Variants in ZNF785 observed in about 807,000 individuals in gnomAD.
ZNF785 encodes zinc finger protein 785.
In ZNF785, 15 loss-of-function variants were observed where a neutral mutation model predicts 11.3. The observed-to-expected ratio is 1.32, with a 90% CI of 0.89 to 2.04. ZNF785 has a LOEUF of 2.04. Among genes scored for constraint, ZNF785 ranks in the 30% most tolerant of loss-of-function variants. The probability of loss-of-function intolerance (pLI) is 0.00; values close to 1 mark genes in which losing one functional copy is unlikely to be tolerated. For synonymous variants in ZNF785, 221 were observed against 231.0 expected (o/e 0.96, Z 0.39); for missense variants, 572 against 560.9 (o/e 1.02, Z -0.20).
chr16:30,579,831 A>T (rs2051784049), downstream of ZNF785: 1 of 455,872 alleles, frequency 2.2e-6, no homozygotes, highest in African/African-American at 2.0e-5. Context: ...TCCTCTTCAA[A>T]AGTAGGGCTA....
Position 30,585,014 on chromosome 16 carries a change from G to T in ZNF785, c.334+108C>A. 7.0e-7 allele frequency: 1 copy of T among 1,430,142 alleles called. No homozygotes were observed. Among genetic ancestry groups the T allele is most frequent in the Non-Finnish European group, 9.4e-7 (1 of 1,065,554 alleles). 88.6% of individuals were successfully genotyped at this position (1,430,142 alleles called of 1,614,324 possible). On this transcript the variant is annotated intron_variant, in intron 2 of 2. Transcript: ENST00000395216. This position sits in a 1 kb window ranked among gnomAD's most constrained non-coding sequence, Gnocchi z 4.0. ...GATGAGGACGTTTCTGGGGTAGGGT[G>T]CAGGGAGACAGGATGGGACTTTGGA...
Position 30,585,436 on chromosome 16 carries a change from C to T in ZNF785, c.176G>A (p.Arg59Gln). The T allele has an allele frequency of 5.6e-6, 9 of 1,598,532 alleles. No individual in the cohort carries two copies. Among genetic ancestry groups the T allele is most frequent in the Non-Finnish European group, 7.7e-6 (9 of 1,173,468 alleles). The change falls in exon 1 of 3, where the codon CGG becomes CAG. Residue 59 changes from arginine (R) to glutamine (Q), a missense_variant. By Grantham distance (43) the Arg-to-Gln change is conservative. Coordinates refer to ENST00000395216, the MANE Select transcript of ZNF785 (RefSeq NM_152458.7). This position sits in a 1 kb window ranked among gnomAD's most constrained non-coding sequence, Gnocchi z 4.0. ...AQRALYRDVM[R>Q]ETFGHLGALG... ...CGCGCCCAGGTGGCCGAAGGTCTCC[C>T]GCATCACGTCCCGGTACAGGGCCCT... is the stretch of plus-strand genomic sequence containing the variant.
Position 30,582,826 on chromosome 16 carries a change from C to G in ZNF785, c.952G>C (p.Gly318Arg). 6.2e-7 allele frequency: 1 copy of G among 1,608,530 alleles called. No individual in the cohort carries two copies. Among genetic ancestry groups the G allele is most frequent in the Non-Finnish European group, 8.5e-7 (1 of 1,176,420 alleles). ...AGGGAAGAATAGGTGAAGCGGCGGCCGCAGTCAGGACAGGGGTAGGGCTTC... is the reference window on the plus strand; with the variant it reads ...AGGGAAGAATAGGTGAAGCGGCGGCGGCAGTCAGGACAGGGGTAGGGCTTC... ...GEKPYPCPDC[G>R]RRFTYSSLLL... Residue 318 changes from glycine (G) to arginine (R), a missense_variant, in exon 3 of 3, where the codon GGC (glycine) becomes CGC (arginine). By Grantham distance (125) the Gly-to-Arg change is moderately radical (BLOSUM62 -2). Coordinates refer to ENST00000395216, the MANE Select transcript of ZNF785 (RefSeq NM_152458.7).
chr16:30,582,386 C>T lies in ZNF785; in HGVS notation c.*174G>A. 2.2e-6 allele frequency: 2 copies of T among 918,586 alleles called. No individual in the cohort carries two copies. The highest frequency in any genetic ancestry group is 3.5e-5 in the South Asian group (2 of 56,374). 56.9% of individuals were successfully genotyped at this position (918,586 alleles called of 1,614,324 possible). ...TCAGAAAATGGGGTCAACCCCCAGG[C>T]ACCTTTTCAGATTCCTGCCTCCTCC... On this transcript the variant is annotated 3_prime_UTR_variant, in exon 3 of 3. Transcript: ENST00000395216.
rs1256657422 is a variant in ZNF785 at position 30,582,978 on chromosome 16, T to C, written c.800A>G (p.Tyr267Cys). The C allele has an allele frequency of 1.2e-6, 2 of 1,613,730 alleles. No homozygotes were observed. The highest frequency in any genetic ancestry group is 1.7e-6 in the Non-Finnish European group (2 of 1,179,958). ...ACSDCKSRFT[Y>C]PYLLAIHQRK... Reference sequence around the variant, plus strand: ...CTGGTGGATGGCCAGCAGGTAGGGGTAAGTGAAGCGACTCTTGCAGTCTGA... The same window carrying C: ...CTGGTGGATGGCCAGCAGGTAGGGGCAAGTGAAGCGACTCTTGCAGTCTGA... Residue 267 changes from tyrosine to cysteine, a missense_variant, in exon 3 of 3, where the codon TAC (tyrosine) becomes TGC (cysteine). Transcript: ENST00000395216.
chr16:30,585,344 G>A lies in ZNF785; in HGVS notation c.205+63C>T, dbSNP rs1215097329. The A allele has an allele frequency of 1.3e-6, 2 of 1,576,232 alleles. No homozygotes were observed. Among genetic ancestry groups the A allele is most frequent in the South Asian group, 1.1e-5 (1 of 87,220 alleles). ...CCCGCTTCCAGCCCACTAGCCTCTG[G>A]GGACACCGATCACCGCTTCCCACCG... On this transcript the variant is annotated intron_variant, in intron 1 of 2. Coordinates refer to ENST00000395216, the MANE Select transcript of ZNF785 (RefSeq NM_152458.7). The surrounding 1 kb of genome is among the most constrained non-coding windows in gnomAD (Gnocchi z 4.0).
chr16:30,582,324 G>C lies in ZNF785; in HGVS notation c.*236C>G. 1.7e-6 allele frequency: 1 copy of C among 579,964 alleles called. No individual in the cohort carries two copies. Among genetic ancestry groups the C allele is most frequent in the East Asian group, 3.0e-5 (1 of 33,570 alleles). 35.9% of individuals were successfully genotyped at this position (579,964 alleles called of 1,614,324 possible). A position where few individuals can be genotyped will look rare whatever the true frequency, so the allele number is the denominator to read the frequency against. On this transcript the variant is annotated 3_prime_UTR_variant, in exon 3 of 3. Coordinates refer to ENST00000395216, the MANE Select transcript of ZNF785 (RefSeq NM_152458.7). ...GTTAGGTGAATGGTTTTCAGTGAAG[G>C]ATGGGACGTGAACACGGGGCCCTGT...
Position 30,583,080 on chromosome 16 carries a change from C to G in ZNF785, c.698G>C (p.Cys233Ser). The G allele has an allele frequency of 2.5e-6, 4 of 1,614,084 alleles. No homozygotes were observed. Among genetic ancestry groups the G allele is most frequent in the Non-Finnish European group, 3.4e-6 (4 of 1,179,992 alleles). Residue 233 changes from cysteine to serine, a missense_variant, in exon 3 of 3, where the codon TGC becomes TCC. By Grantham distance (112) the Cys-to-Ser change is moderately radical (BLOSUM62 -1). Coordinates refer to ENST00000395216, the MANE Select transcript of ZNF785 (RefSeq NM_152458.7). ...ACCCCTCTGGCGGAAGCGGCGCCCG[C>G]AGTCGGGGCAGGGGTAGGGCTTCTC... is the stretch of plus-strand genomic sequence containing the variant. ...TGEKPYPCPD[C>S]GRRFRQRGSL...
Position 30,582,429 on chromosome 16 carries a change from C to G in ZNF785, c.*131G>C. 7.5e-7 allele frequency: 1 copy of G among 1,332,996 alleles called. No individual in the cohort carries two copies. The allele number at this position is 1,332,996 out of a possible 1,614,324, so 82.6% of individuals were successfully genotyped here. Reference sequence around the variant, plus strand: ...CCTCCTCCCCACAGCCCTCTGTGCCCCTACCTCTGCTTTTTACCTAAGGCA... The same window carrying G: ...CCTCCTCCCCACAGCCCTCTGTGCCGCTACCTCTGCTTTTTACCTAAGGCA... On this transcript the variant is annotated 3_prime_UTR_variant, in exon 3 of 3. Coordinates refer to ENST00000395216, the MANE Select transcript of ZNF785 (RefSeq NM_152458.7).
Position 30,583,158 on chromosome 16 carries a change from G to GC in ZNF785, c.619dup (p.Ala207GlyfsTer110). 1 of 1,613,716 alleles carries GC rather than the reference G, an allele frequency of 6.2e-7. No homozygotes were observed. The highest frequency in any genetic ancestry group is 8.5e-7 in the Non-Finnish European group (1 of 1,179,868). The stretch of plus-strand genomic sequence containing the variant: ...CAGGTACCTGCGCTGGGAGAAACGC[G>GC]CCTGACACTGGCCGCAGGAGAAGGG... On this transcript the variant is annotated frameshift_variant, in exon 3 of 3. Coordinates refer to ENST00000395216, the MANE Select transcript of ZNF785 (RefSeq NM_152458.7). LOFTEE classifies it low-confidence loss of function (END_TRUNC).
In ZNF785 at chr16:30,583,369, C is replaced by T; in HGVS notation, c.409G>A (p.Ala137Thr). The T allele has an allele frequency of 1.2e-6, 2 of 1,610,930 alleles. No individual in the cohort carries two copies. The highest frequency in any genetic ancestry group is 1.7e-6 in the Non-Finnish European group (2 of 1,178,214). The change falls in exon 3 of 3, where the codon GCT becomes ACT. Residue 137 changes from alanine (A) to threonine (T), a missense_variant. Transcript: ENST00000395216. ...ACGCTGGGCCACCACTCCTTGACAG[C>T]CACTTCATGCGCCACCTCTTTTTGT... is the stretch of plus-strand genomic sequence containing the variant. ...PKQKEVAHEVAVKEWWPSVAC... is the reference protein window; with the variant it reads ...PKQKEVAHEVTVKEWWPSVAC...
At position 30,585,613 on chromosome 16, in the gene ZNF785, G is replaced by T. The variant is rs900928947; in HGVS notation, c.-2C>A. 8.1e-6 allele frequency: 12 copies of T among 1,480,862 alleles called. No individual in the cohort carries two copies. The African/African-American group carries it at 1.7e-4, about 21-fold the overall frequency. The allele number at this position is 1,480,862 out of a possible 1,614,324, so 91.7% of individuals were successfully genotyped here. A position where few individuals can be genotyped will look rare whatever the true frequency, so the allele number is the denominator to read the frequency against. On this transcript the variant is annotated 5_prime_UTR_variant, in exon 1 of 3. Coordinates refer to ENST00000395216, the MANE Select transcript of ZNF785 (RefSeq NM_152458.7). The surrounding 1 kb of genome is among the most constrained non-coding windows in gnomAD (Gnocchi z 4.0). ...GCGCGGCGCCAGGGGCGGCCCCATG[G>T]GAAACCCTTTCTGCCTGGCAAAGGG... is the stretch of plus-strand genomic sequence containing the variant.
Position 30,583,216 on chromosome 16 carries a change from C to A in ZNF785, c.562G>T (p.Ala188Ser). Residue 188 changes from alanine (A) to serine (S), a missense_variant, in exon 3 of 3, where the codon GCC becomes TCC. Ala to Ser is a moderately conservative substitution (Grantham distance 99). Coordinates refer to ENST00000395216, the MANE Select transcript of ZNF785 (RefSeq NM_152458.7). The part of the protein sequence containing the change: ...GRNFSYPSLL[A>S]SHQRVHSGER... ...CCGGAGTGGACCCGCTGGTGGCTGG[C>A]CAGGAGGGAAGGGTAGCTGAAGTTG... 2.5e-6 allele frequency: 4 copies of A among 1,613,886 alleles called. No homozygotes were observed. Among genetic ancestry groups the A allele is most frequent in the Non-Finnish European group, 3.4e-6 (4 of 1,179,890 alleles).
rs954590205 is a variant in ZNF785, at chr16:30,581,870, G to C, written c.*690C>G. 2.6e-5 allele frequency: 4 copies of C among 152,290 alleles called. No individual in the cohort carries two copies. The highest frequency in any genetic ancestry group is 5.9e-5 in the Non-Finnish European group (4 of 68,130). 9.4% of individuals were successfully genotyped at this position (152,290 alleles called of 1,614,324 possible). On this transcript the variant is annotated 3_prime_UTR_variant, in exon 3 of 3. Coordinates refer to ENST00000395216, the MANE Select transcript of ZNF785 (RefSeq NM_152458.7). ...TGAGACGCCGAGGCGGGTGGATCAC[G>C]AGGTCAGGAATTCAAGACCAGCCTG... is the stretch of plus-strand genomic sequence containing the variant.
chr16:30,584,062 T>G (rs560013428), intron 2 of ZNF785, among the ~76,000 whole-genome samples: 22 of 150,144 alleles, frequency 1.5e-4, no homozygotes, highest in Non-Finnish European at 2.7e-4. Context: ...GGAGAATCCC[T>G]GGAACTGGGG....
chr16:30,583,303 T>A lies in ZNF785; in HGVS notation c.475A>T (p.Asn159Tyr). The part of the protein sequence containing the change: ...EFCNPRQSPM[N>Y]PWLKDTLTRR... ...GTCAGAGTGTCCTTGAGCCAGGGAT[T>A]CATGGGGCTCTGCCTAGGGTTGCAG... is the stretch of plus-strand genomic sequence containing the variant. Residue 159 changes from asparagine to tyrosine, a missense_variant, in exon 3 of 3, where the codon AAT (asparagine) becomes TAT (tyrosine). Coordinates refer to ENST00000395216, the MANE Select transcript of ZNF785 (RefSeq NM_152458.7). The A allele has an allele frequency of 5.0e-6, 8 of 1,613,940 alleles. No individual in the cohort carries two copies. The highest frequency in any genetic ancestry group is 6.8e-6 in the Non-Finnish European group (8 of 1,179,878).
downstream of ZNF785, among the ~76,000 whole-genome samples, chr16:30,580,413 GGCGCAGTCTCGGCTCACTGCAA>G (rs1293950421): frequency 6.7e-6 from 1 of 148,924 alleles, no homozygotes; most frequent in Admixed American, 6.7e-5. Context: ...GGAGTGCAGT[GGCGCAGTCTCGGCTCACTGCAA>G]GCTCCGCCTC....
Position 30,585,003 on chromosome 16 carries a change from T to A in ZNF785, c.334+119A>T. The A allele has an allele frequency of 7.4e-7, 1 of 1,358,456 alleles. No individual in the cohort carries two copies. Among genetic ancestry groups the A allele is most frequent in the African/African-American group, 1.5e-5 (1 of 68,466 alleles). 84.2% of individuals were successfully genotyped at this position (1,358,456 alleles called of 1,614,324 possible). A position where few individuals can be genotyped will look rare whatever the true frequency, so the allele number is the denominator to read the frequency against. On this transcript the variant is annotated intron_variant, in intron 2 of 2. Transcript: ENST00000395216. This position sits in a 1 kb window ranked among gnomAD's most constrained non-coding sequence, Gnocchi z 4.0. ...TTTTGCAGTGAGATGAGGACGTTTCTGGGGTAGGGTGCAGGGAGACAGGAT... is the reference window on the plus strand; with the variant it reads ...TTTTGCAGTGAGATGAGGACGTTTCAGGGGTAGGGTGCAGGGAGACAGGAT...
chr16:30,582,877 T>C lies in ZNF785; in HGVS notation c.901A>G (p.Ile301Val). 1 of 1,605,532 alleles carries C rather than the reference T, an allele frequency of 6.2e-7. No individual in the cohort carries two copies. Among genetic ancestry groups the C allele is most frequent in the Non-Finnish European group, 8.5e-7 (1 of 1,177,848 alleles). Residue 301 changes from isoleucine (I) to valine (V), a missense_variant, in exon 3 of 3, where the codon ATC becomes GTC. By Grantham distance (29) the Ile-to-Val change is conservative (BLOSUM62 3). Coordinates refer to ENST00000395216, the MANE Select transcript of ZNF785 (RefSeq NM_152458.7). ...LRFAYTSLLA[I>V]HRRIHTGEKP... ...TCGCCGGTGTGTATGCGCCTGTGGA[T>C]GGCCAGCAGGGAGGTGTAGGCGAAA...
Sources: allele counts gnomAD v4.1 joint callset (sites outside exome capture counted in the v4.1 genomes callset), GRCh38; gene constraint gnomAD v4.1.1; non-coding constraint Gnocchi (gnomAD v3.1); transcripts MANE v1.5; gene names NCBI Gene and HGNC (gene_info 2026-07-23, HGNC 2026-07-21).